The following ARHGAP31 variants were observed in gnomAD, a reference collection of about 807,000 sequenced individuals.
The protein encoded by ARHGAP31 is rho GTPase-activating protein 31.
A neutral mutation model predicts 113.9 loss-of-function variants in ARHGAP31; 34 were observed. That is an observed-to-expected ratio of 0.30 (90% CI 0.23 to 0.40). ARHGAP31 has a LOEUF of 0.40. Among genes scored for constraint, ARHGAP31 ranks in the 10% least tolerant of loss-of-function variants. ARHGAP31 has a pLI of 1.00. For synonymous variants in ARHGAP31, 650 were observed against 684.8 expected (o/e 0.95, Z 0.79); for missense variants, 1,548 against 1,767.1 (o/e 0.88, Z 2.22).
At chr3:119,386,785 G>C (rs2080453487) in intron 6 of ARHGAP31, among the ~76,000 whole-genome samples, 1 of 152,224 alleles carries the variant, frequency 6.6e-6, no homozygotes, top group African/African-American at 2.4e-5. Flanking sequence ...AAGGTCACGT[G>C]GGTCACGTGT....
At position 119,414,767 on chromosome 3, in the gene ARHGAP31, G is replaced by C. The variant is rs779788693; in HGVS notation, c.2838G>C (p.Arg946Ser). 1.9e-6 allele frequency: 3 copies of C among 1,614,072 alleles called. No individual in the cohort carries two copies. In the African/African-American group the frequency reaches 4.0e-5, roughly 22 times the overall value. Residue 946 changes from arginine (R) to serine (S), a missense_variant, in exon 12 of 12, where the codon AGG becomes AGC. By Grantham distance (110) the Arg-to-Ser change is moderately radical (BLOSUM62 -1). Transcript: ENST00000264245. ...GHQLEKRLSH[R>S]PSLRQSHSLD... Reference sequence around the variant, plus strand: ...AGTTGGAGAAGAGGCTTTCCCACAGGCCCAGCCTTCGCCAGAGCCATTCTC... The same window carrying C: ...AGTTGGAGAAGAGGCTTTCCCACAGCCCCAGCCTTCGCCAGAGCCATTCTC...
At chr3:119,389,461 A>G (rs2080484671) in intron 6 of ARHGAP31, among the ~76,000 whole-genome samples, 2 of 152,200 alleles carry the variant, frequency 1.3e-5, no homozygotes, top group South Asian at 4.1e-4. Flanking sequence ...AATATTTTTA[A>G]CCCTCTTTGG....
chr3:119,315,954 T>C (rs1425319072), intron 1 of ARHGAP31, among the ~76,000 whole-genome samples: 1 of 152,178 alleles, frequency 6.6e-6, no homozygotes, highest in Non-Finnish European at 1.5e-5. Flanking sequence ...CAAAATCCTA[T>C]GAAGTCGTGA....
At chr3:119,340,926 C>T (rs1010071408) in intron 1 of ARHGAP31, among the ~76,000 whole-genome samples, 32 of 152,088 alleles carry the variant, frequency 2.1e-4, no homozygotes, top group Non-Finnish European at 2.9e-4. Flanking sequence ...TAACTATACC[C>T]GATTTCTTCC....
chr3:119,374,115 C>T (rs1577017498), intron 3 of ARHGAP31, among the ~76,000 whole-genome samples: 1 of 152,104 alleles, frequency 6.6e-6, no homozygotes, highest in Admixed American at 6.5e-5. Context: ...GGAGGCTTGT[C>T]CCCTCTAAAT....
chr3:119,313,466 A>G (rs2079700274), intron 1 of ARHGAP31, among the ~76,000 whole-genome samples: 1 of 152,218 alleles, frequency 6.6e-6, no homozygotes, highest in African/African-American at 2.4e-5. Flanking sequence ...GATAATTTCT[A>G]TTATCTATAA....
intron 10 of ARHGAP31, 151 bp from the exon 11 acceptor site, chr3:119,409,345 G>T: frequency 1.1e-6 from 1 of 912,204 alleles, no homozygotes. Context: ...GACATTGCTA[G>T]GATAAAAGAG....
In ARHGAP31 at chr3:119,294,481, G is replaced by A. The variant is rs530081719; in HGVS notation, c.-424G>A. 7 of 435,056 alleles carry A rather than the reference G, an allele frequency of 1.6e-5. No individual in the cohort carries two copies. The highest frequency in any genetic ancestry group is 8.2e-5 in the African/African-American group (4 of 48,882). 26.9% of individuals were successfully genotyped at this position (435,056 alleles called of 1,614,324 possible). On this transcript the variant is annotated 5_prime_UTR_variant, in exon 1 of 12. Transcript: ENST00000264245. ...GCGGGCCCAGGGCGCAGGACCCACC[G>A]CAGCCCCCTGGGCAGTCTCCTCGCC...
At chr3:119,398,380 G>C (rs940392731) in intron 8 of ARHGAP31, among the ~76,000 whole-genome samples, 1 of 152,332 alleles carries the variant, frequency 6.6e-6, no homozygotes. Context: ...TCTGAATTCA[G>C]AGTTACCTTA....
chr3:119,359,867 C>A (rs1257214456), intron 1 of ARHGAP31, among the ~76,000 whole-genome samples: 1 of 152,082 alleles, frequency 6.6e-6, no homozygotes, highest in East Asian at 1.9e-4. Context: ...GTTTAAAAAT[C>A]CCCCCTCTCT....
chr3:119,339,620 A>C (rs1181830833), intron 1 of ARHGAP31, among the ~76,000 whole-genome samples: 1 of 152,172 alleles, frequency 6.6e-6, no homozygotes, highest in African/African-American at 2.4e-5. Context: ...CCGACCCCAC[A>C]CAAGTACAAC....
At chr3:119,307,515 A>G (rs909561604) in intron 1 of ARHGAP31, among the ~76,000 whole-genome samples, 3 of 152,166 alleles carry the variant, frequency 2.0e-5, no homozygotes, top group Non-Finnish European at 2.9e-5. Flanking sequence ...ATTCTCTTGT[A>G]TGTACACAAT....
chr3:119,394,612 T>C (rs1006571489), intron 8 of ARHGAP31, among the ~76,000 whole-genome samples: 23 of 151,812 alleles, frequency 1.5e-4, no homozygotes, highest in Non-Finnish European at 2.6e-4. Context: ...AATGTACAAA[T>C]GCAGTGAGCA....
In ARHGAP31 at chr3:119,294,517, G is replaced by T. The variant is rs938049850; in HGVS notation, c.-388G>T. 5 of 450,906 alleles carry T rather than the reference G, an allele frequency of 1.1e-5. No homozygotes were observed. The Admixed American group carries it at 1.7e-4, about 15-fold the overall frequency. The allele number at this position is 450,906 out of a possible 1,614,324, so 27.9% of individuals were successfully genotyped here. A position where few individuals can be genotyped will look rare whatever the true frequency, so the allele number is the denominator to read the frequency against. On this transcript the variant is annotated 5_prime_UTR_variant, in exon 1 of 12. Transcript: ENST00000264245. The stretch of plus-strand genomic sequence containing the variant: ...GGCAGTCTCCTCGCCCCGCGTCCGC[G>T]TCGTCTCCGGGGCACTTAGTAAGGG...
At chr3:119,351,310 C>A (rs537322675) in intron 1 of ARHGAP31, among the ~76,000 whole-genome samples, 6 of 152,322 alleles carry the variant, frequency 3.9e-5, no homozygotes, top group African/African-American at 1.4e-4. Flanking sequence ...GTTGTGAAGT[C>A]AGTCTCTACC....
intron 1 of ARHGAP31, among the ~76,000 whole-genome samples, chr3:119,305,332 G>C (rs113634130): frequency 1.3e-5 from 2 of 152,150 alleles, no homozygotes; most frequent in Admixed American, 6.5e-5. Context: ...CCCATCCCCA[G>C]TTTTTCAAAG....
intron 10 of ARHGAP31, among the ~76,000 whole-genome samples, chr3:119,404,352 A>AGCCT (rs774177520): frequency 1.3e-5 from 2 of 152,186 alleles, no homozygotes; most frequent in African/African-American, 2.4e-5. Flanking sequence ...TGGAGACTCC[A>AGCCT]GCCTGCCTTC....
intron 1 of ARHGAP31, among the ~76,000 whole-genome samples, chr3:119,347,179 A>G (rs1296525978): frequency 1.3e-5 from 2 of 152,166 alleles, no homozygotes; most frequent in Admixed American, 1.3e-4. Flanking sequence ...ATGCCCATGC[A>G]CCTGGGCCCA....
intron 1 of ARHGAP31, chr3:119,329,940 C>A: frequency 7.1e-6 from 7 of 985,474 alleles, no homozygotes; most frequent in Non-Finnish European, 8.4e-6. Flanking sequence ...AACAAAGACG[C>A]TGAAGAAGTC....
Sources: gnomAD v4.1 joint callset for allele counts (sites outside exome capture counted in the v4.1 genomes callset) on GRCh38, gnomAD v4.1.1 for gene constraint, MANE v1.5 for transcripts, NCBI Gene and HGNC (gene_info 2026-07-23, HGNC 2026-07-21) for gene names.